Variants in SPTA1 observed in about 807,000 individuals in gnomAD.
The protein encoded by SPTA1 is spectrin alpha, erythrocytic 1.
In SPTA1, 177 loss-of-function variants were observed where a neutral mutation model predicts 324.7. The ratio of observed to expected loss-of-function variants is 0.55; its 90% confidence interval spans 0.48 to 0.62. The LOEUF (loss-of-function observed/expected upper bound fraction) is 0.62. Among genes scored for constraint, SPTA1 ranks in the 20% least tolerant of loss-of-function variants. SPTA1 has a pLI of 0.00. For synonymous variants in SPTA1, 1,195 were observed against 1,041.3 expected (o/e 1.15, Z -2.84); for missense variants, 3,162 against 2,883.6 (o/e 1.10, Z -2.21).
At chr1:158,615,903 T>A (rs1191682897) in intron 47 of SPTA1, among the ~76,000 whole-genome samples, 2 of 152,160 alleles carry the variant, frequency 1.3e-5, no homozygotes, top group East Asian at 3.9e-4. Context: ...TTTCATCAAC[T>A]TGGGATGATT....
chr1:158,622,144 G>A (rs890173786), intron 43 of SPTA1, among the ~76,000 whole-genome samples: 11 of 152,150 alleles, frequency 7.2e-5, no homozygotes, highest in African/African-American at 2.7e-4. Flanking sequence ...GATTATAGGC[G>A]TGAGCCACTG....
At chr1:158,614,355 GTTAGCA>G in intron 48 of SPTA1, 49 bp from the exon 49 acceptor site, 1 of 1,317,356 alleles carries the variant, frequency 7.6e-7, no homozygotes, top group Non-Finnish European at 1.1e-6. Flanking sequence ...TGAAACACAG[GTTAGCA>G]GAACACAAGC....
intron 7 of SPTA1, 145 bp from the exon 8 acceptor site, chr1:158,676,440 G>A (rs1654400463): frequency 3.7e-6 from 3 of 805,746 alleles, no homozygotes; most frequent in Admixed American, 4.9e-5. Context: ...ATATACTAAT[G>A]TACTACATTG....
chr1:158,619,327 T>A lies in SPTA1; in HGVS notation c.6425A>T (p.Glu2142Val), dbSNP rs1242952939. The A allele has an allele frequency of 6.2e-7, 1 of 1,614,098 alleles. No homozygotes were observed. The highest frequency in any genetic ancestry group is 1.7e-5 in the Admixed American group (1 of 60,018). ...KHLSDIIEER[E>V]QELQKEEARQ... The stretch of plus-strand genomic sequence containing the variant: ...TGCCTCTTCCTTTTGCAGCTCCTGC[T>A]CCCGTTCCTAAAACCCCAAATCACA... Residue 2142 changes from glutamate to valine, a missense_variant, in exon 45 of 52, where the codon GAG becomes GTG. Coordinates refer to ENST00000643759, the MANE Select transcript of SPTA1 (RefSeq NM_003126.4).
At chr1:158,649,972 T>A (rs779665012) in intron 24 of SPTA1, 25 bp from the exon 25 acceptor site, 91 of 1,547,438 alleles carry the variant, frequency 5.9e-5, no homozygotes, top group Middle Eastern at 5.0e-4. Context: ...AACATCAGAC[T>A]TGAGACAGAG....
chr1:158,620,385 C>T lies in SPTA1; in HGVS notation c.6202G>A (p.Glu2068Lys). ...WCEKMEENLS[E>K]PVHCVSLNEI... ...TTCAGGGAGACACAGTGCACAGGCTCTGACAAGTTTTCTTCCATCTTTTCA... is the reference window on the plus strand; with the variant it reads ...TTCAGGGAGACACAGTGCACAGGCTTTGACAAGTTTTCTTCCATCTTTTCA... The change falls in exon 44 of 52, where the codon GAG (glutamate) becomes AAG (lysine). Residue 2068 changes from glutamate (E) to lysine (K), a missense_variant. Physicochemically the swap from Glu to Lys is moderately conservative, Grantham distance 56 (BLOSUM62 1). Transcript: ENST00000643759. The T allele has an allele frequency of 6.2e-7, 1 of 1,614,018 alleles. No individual in the cohort carries two copies. Among genetic ancestry groups the T allele is most frequent in the South Asian group, 1.1e-5 (1 of 91,070 alleles).
intron 27 of SPTA1, among the ~76,000 whole-genome samples, chr1:158,646,848 C>T (rs978083953): frequency 1.3e-5 from 2 of 152,134 alleles, no homozygotes; most frequent in Non-Finnish European, 2.9e-5. Flanking sequence ...TCTCAGCTGA[C>T]TGATGCGATA....
At chr1:158,627,041 T>C (rs746764447) in intron 40 of SPTA1, 34 bp from the exon 41 acceptor site, 11 of 1,612,100 alleles carry the variant, frequency 6.8e-6, no homozygotes, top group Middle Eastern at 1.6e-4. Flanking sequence ...ATATTTATAA[T>C]GTGCAGGGCT....
chr1:158,635,261 TAGTG>T (rs1650984071), intron 38 of SPTA1, among the ~76,000 whole-genome samples: 1 of 152,086 alleles, frequency 6.6e-6, no homozygotes, highest in Non-Finnish European at 1.5e-5. Context: ...GTTTTCATGA[TAGTG>T]AGTGAGTTCT....
chr1:158,611,616 T>G, intron 51 of SPTA1: 1 of 465,494 alleles, frequency 2.1e-6, no homozygotes, highest in African/African-American at 2.0e-5. Context: ...TCACTTTGAT[T>G]ATTCTGTAAA....
intron 38 of SPTA1, among the ~76,000 whole-genome samples, chr1:158,634,999 A>G (rs1650960042): frequency 6.6e-6 from 1 of 152,200 alleles, no homozygotes; most frequent in Non-Finnish European, 1.5e-5. Context: ...CAGTGACACA[A>G]TGTCTCTTTC....
At position 158,683,267 on chromosome 1, in the gene SPTA1, C is replaced by T. The variant is rs1654933926; in HGVS notation, c.390+104G>A. On this transcript the variant is annotated intron_variant, in intron 3 of 51. Transcript: ENST00000643759. The stretch of plus-strand genomic sequence containing the variant: ...CAGGGGAAGATAAGAGGCAGGAGTC[C>T]TGGGTATAAGCCAGCCACTCAAGGT... 1.9e-5 allele frequency: 30 copies of T among 1,546,372 alleles called. No individual in the cohort carries two copies. The South Asian group carries it at 3.3e-4, about 17-fold the overall frequency.
chr1:158,645,993 T>C (rs1229521122), intron 27 of SPTA1, among the ~76,000 whole-genome samples: 3 of 152,200 alleles, frequency 2.0e-5, no homozygotes, highest in Admixed American at 6.5e-5. Context: ...CTTCTGTTGG[T>C]TACTGTTCCT....
At position 158,650,465 on chromosome 1, in the gene SPTA1, G is replaced by A. The variant is rs1291574288; in HGVS notation, c.3478-518C>T. Among the ~76,000 whole-genome samples, 4 of 152,140 alleles carry A rather than the reference G, an allele frequency of 2.6e-5. No individual in the cohort carries two copies. The East Asian group carries it at 7.7e-4, about 29-fold the overall frequency. ...CTATGGCATTCCAGAGAACTAGACT[G>A]AACATTTATTAATGTTCATTAGATC... On this transcript the variant is annotated intron_variant, in intron 24 of 51. Coordinates refer to ENST00000643759, the MANE Select transcript of SPTA1 (RefSeq NM_003126.4).
chr1:158,623,671 T>C (rs1650071897), intron 42 of SPTA1, among the ~76,000 whole-genome samples: 1 of 152,300 alleles, frequency 6.6e-6, no homozygotes, highest in South Asian at 2.1e-4. Context: ...TCCGCCATGA[T>C]TATAAGTTTC....
chr1:158,638,915 C>T (rs1651314760), intron 35 of SPTA1, among the ~76,000 whole-genome samples: 1 of 152,108 alleles, frequency 6.6e-6, no homozygotes, highest in Non-Finnish European at 1.5e-5. Flanking sequence ...CTATGGGCAA[C>T]ATTCTTAGCT....
chr1:158,648,983 TA>T (rs963959589), intron 25 of SPTA1, among the ~76,000 whole-genome samples: 7 of 152,286 alleles, frequency 4.6e-5, no homozygotes, highest in East Asian at 1.9e-4. Context: ...GTCACATGCT[TA>T]ACCATCATAT....
chr1:158,683,516 G>GT lies in SPTA1; in HGVS notation c.265-21dup. ...TTTCCCCTAAAGTTTAGAAATCAGAGTTTTTGTCTAATGAAGCACAGTCTT... is the reference window on the plus strand; with the variant it reads ...TTTCCCCTAAAGTTTAGAAATCAGAGTTTTTTGTCTAATGAAGCACAGTCTT... On this transcript the variant is annotated intron_variant, in intron 2 of 51. Transcript: ENST00000643759. The GT allele has an allele frequency of 6.2e-7, 1 of 1,612,452 alleles. No individual in the cohort carries two copies. The highest frequency in any genetic ancestry group is 1.7e-5 in the Admixed American group (1 of 59,866).
Position 158,671,469 on chromosome 1 carries a change from A to G in SPTA1, c.1489-16T>C, listed in dbSNP as rs1334669182. The G allele has an allele frequency of 1.3e-6, 2 of 1,597,280 alleles. No individual in the cohort carries two copies. Among genetic ancestry groups the G allele is most frequent in the Admixed American group, 3.3e-5 (2 of 59,946 alleles). ...CCAGGAAGGCCTGTAGAAGACAGAA[A>G]GACACACCTAAGCTGTGTCTGACCG... On this transcript the variant is annotated splice_polypyrimidine_tract_variant and intron_variant, in intron 11 of 51. Transcript: ENST00000643759.
Sources: gnomAD v4.1 joint callset for allele counts (sites outside exome capture counted in the v4.1 genomes callset) on GRCh38, gnomAD v4.1.1 for gene constraint, MANE v1.5 for transcripts, NCBI Gene and HGNC (gene_info 2026-07-23, HGNC 2026-07-21) for gene names.